The following SLC44A5 variants were observed in gnomAD, a reference collection of about 807,000 sequenced individuals.
SLC44A5 encodes choline transporter-like protein 5.
In SLC44A5, 57 loss-of-function variants were observed where a neutral mutation model predicts 101.8. The ratio of observed to expected loss-of-function variants is 0.56; its 90% CI spans 0.45 to 0.70. SLC44A5 has a LOEUF of 0.70. SLC44A5 is among the 30% of genes least tolerant of loss of function. The probability of loss-of-function intolerance (pLI) is 0.00; values close to 1 mark genes in which losing one functional copy is unlikely to be tolerated. For missense variants in SLC44A5, 737 were observed against 853.1 expected, an observed-to-expected ratio of 0.86 and a Z score of 1.70; for synonymous variants, 281 against 290.9, an observed-to-expected ratio of 0.97 and a Z score of 0.35.
At position 75,281,647 on chromosome 1, in the gene SLC44A5, C is replaced by G. The variant is rs1029204776; in HGVS notation, c.176-6605G>C. On this transcript the variant is annotated intron_variant, in intron 5 of 23. Transcript: ENST00000370859. ...TGGGCTGGTGCCAGGCCCCCCCCCCCCCCCGCTGCATTTAGCCTAGGGACT... is the reference window on the plus strand; with the variant it reads ...TGGGCTGGTGCCAGGCCCCCCCCCCGCCCCGCTGCATTTAGCCTAGGGACT... 1.2e-4 allele frequency among the ~76,000 whole-genome samples: 13 copies of G among 113,040 alleles called. 3 individuals are homozygous for G. Among genetic ancestry groups the G allele is most frequent in the Admixed American group, 5.2e-4 (6 of 11,610 alleles). The allele number at this position is 113,040 out of a possible 152,430, so 74.2% of individuals were successfully genotyped here. A position where few individuals can be genotyped will look rare whatever the true frequency, so the allele number is the denominator to read the frequency against.
chr1:75,690,851 G>C, the SLC44A5 span, among the ~76,000 whole-genome samples: 1 of 152,166 alleles, frequency 6.6e-6, no homozygotes, highest in South Asian at 2.1e-4. Flanking sequence ...CCATAGGCCA[G>C]TTGCAATGGC....
the SLC44A5 span, among the ~76,000 whole-genome samples, chr1:75,620,743 T>C: frequency 0.012 from 1,882 of 152,304 alleles, 57 homozygotes; most frequent in African/African-American, 0.043. Context: ...CTTTGTCAGA[T>C]GGATAGATAG....
At chr1:75,636,148 G>A in the SLC44A5 span, among the ~76,000 whole-genome samples, 384 of 151,758 alleles carry the variant, frequency 2.5e-3, 6 homozygotes, top group Non-Finnish European at 5.3e-4. Flanking sequence ...TAGCTTCCAC[G>A]TATGAGTGAG....
upstream of SLC44A5, among the ~76,000 whole-genome samples, chr1:75,612,396 T>C (rs914682852): frequency 2.0e-5 from 3 of 152,238 alleles, no homozygotes; most frequent in African/African-American, 7.2e-5. Context: ...CTTTTGTATG[T>C]GAATGTGCCA....
chr1:75,647,243 C>T, the SLC44A5 span, among the ~76,000 whole-genome samples: 8 of 152,188 alleles, frequency 5.3e-5, no homozygotes, highest in African/African-American at 1.4e-4. Flanking sequence ...GCCTTGGCCA[C>T]TTGCAATGTG....
At chr1:75,224,052 G>C (rs1647145486) in intron 13 of SLC44A5, among the ~76,000 whole-genome samples, 1 of 152,086 alleles carries the variant, frequency 6.6e-6, no homozygotes. Flanking sequence ...ACTGTCTTTT[G>C]AACTTACATA....
chr1:75,645,024 C>A, the SLC44A5 span, among the ~76,000 whole-genome samples: 2 of 152,038 alleles, frequency 1.3e-5, no homozygotes, highest in African/African-American at 4.8e-5. Flanking sequence ...TCCAGTGTAT[C>A]ATTGTTGGAC....
chr1:75,642,614 C>A, the SLC44A5 span, among the ~76,000 whole-genome samples: 1 of 152,002 alleles, frequency 6.6e-6, no homozygotes, highest in African/African-American at 2.4e-5. Context: ...AAATTTATAT[C>A]CTAATGTTTT....
the SLC44A5 span, among the ~76,000 whole-genome samples, chr1:75,626,382 C>T: frequency 6.6e-6 from 1 of 152,128 alleles, no homozygotes; most frequent in Admixed American, 6.6e-5. Context: ...ATCTCTCTCT[C>T]TCCTGCTAAT....
At position 75,280,509 on chromosome 1, in the gene SLC44A5, A is replaced by T. The variant is rs188927360; in HGVS notation, c.176-5467T>A. Among the ~76,000 whole-genome samples the T allele has an allele frequency of 1.4e-3, 182 of 128,332 alleles. 3 individuals carry two copies. Among genetic ancestry groups the T allele is most frequent in the Admixed American group, 9.4e-3 (88 of 9,396 alleles). 84.2% of individuals were successfully genotyped at this position (128,332 alleles called of 152,430 possible). On this transcript the variant is annotated intron_variant, in intron 5 of 23. Transcript: ENST00000370859. ...ATTATATATATTATATATATATATA[A>T]AAAAACACCTTTTCTTTATTCACTC... is the stretch of plus-strand genomic sequence containing the variant.
intron 2 of SLC44A5, among the ~76,000 whole-genome samples, chr1:75,410,755 G>A (rs992920678): frequency 7.2e-5 from 11 of 152,038 alleles, no homozygotes; most frequent in African/African-American, 2.7e-4. Flanking sequence ...TTTGTTTTGG[G>A]GGAGGGAGTT....
chr1:75,660,532 T>C, the SLC44A5 span, among the ~76,000 whole-genome samples: 1 of 152,152 alleles, frequency 6.6e-6, no homozygotes, highest in Non-Finnish European at 1.5e-5. Context: ...AGAAGTCAAA[T>C]TGTCCTCATT....
At chr1:75,440,432 T>G (rs553149666) in intron 2 of SLC44A5, among the ~76,000 whole-genome samples, 4 of 152,200 alleles carry the variant, frequency 2.6e-5, no homozygotes, top group Non-Finnish European at 5.9e-5. Context: ...AATGCCAGTG[T>G]GGCCATAGCA....
intron 2 of SLC44A5, among the ~76,000 whole-genome samples, chr1:75,432,258 T>C (rs1664657559): frequency 6.6e-6 from 1 of 152,158 alleles, no homozygotes; most frequent in Non-Finnish European, 1.5e-5. Context: ...TGAATCGAAG[T>C]ATGAATATTC....
chr1:75,579,554 A>G (rs1673563872), intron 1 of SLC44A5, among the ~76,000 whole-genome samples: 1 of 152,178 alleles, frequency 6.6e-6, no homozygotes, highest in Non-Finnish European at 1.5e-5. Flanking sequence ...CTACACTAAT[A>G]TATTCCTTTT....
chr1:75,617,540 AT>A, the SLC44A5 span, among the ~76,000 whole-genome samples: 11 of 152,328 alleles, frequency 7.2e-5, no homozygotes, highest in African/African-American at 2.6e-4. Context: ...ATCACAAGTT[AT>A]TTTTTCAGCC....
intron 2 of SLC44A5, among the ~76,000 whole-genome samples, chr1:75,503,720 C>T (rs1484029290): frequency 6.6e-6 from 1 of 152,092 alleles, no homozygotes; most frequent in Non-Finnish European, 1.5e-5. Context: ...AATTATTGGC[C>T]TGTCATAATA....
At chr1:75,408,221 A>G (rs1414941790) in intron 2 of SLC44A5, among the ~76,000 whole-genome samples, 2 of 152,144 alleles carry the variant, frequency 1.3e-5, no homozygotes, top group Non-Finnish European at 2.9e-5. Context: ...CACAGATGCT[A>G]GAGAGGATGT....
intron 6 of SLC44A5, among the ~76,000 whole-genome samples, chr1:75,253,700 A>T (rs903357635): frequency 2.0e-5 from 3 of 152,176 alleles, no homozygotes; most frequent in Non-Finnish European, 4.4e-5. Context: ...TGTGAATGGT[A>T]AATCAGTAAG....
Sources: allele counts gnomAD v4.1 joint callset (sites outside exome capture counted in the v4.1 genomes callset), GRCh38; gene constraint gnomAD v4.1.1; transcripts MANE v1.5; gene names NCBI Gene and HGNC (gene_info 2026-07-23, HGNC 2026-07-21).